TMEM123: variants seen among roughly 807,000 people sequenced by gnomAD.
The protein encoded by TMEM123 is porimin.
A neutral mutation model predicts 19.7 loss-of-function variants in TMEM123; 16 were observed. That is an observed-to-expected ratio of 0.81 (90% CI 0.55 to 1.23). TMEM123 has a LOEUF of 1.23. Ranked by LOEUF, TMEM123 falls within the 50% of genes most tolerant of loss-of-function variation. TMEM123 has a pLI of 0.00. For missense variants in TMEM123, 313 were observed against 257.8 expected (o/e 1.21, Z -1.47); for synonymous variants, 118 against 99.4 (o/e 1.19, Z -1.12).
At chr11:102,417,384 A>G (rs554445315) in intron 2 of TMEM123, among the ~76,000 whole-genome samples, 2 of 152,112 alleles carry the variant, frequency 1.3e-5, no homozygotes, top group South Asian at 4.1e-4. Flanking sequence ...CAAGAATGCA[A>G]TCCCATTCAC....
At position 102,410,387 on chromosome 11, in the gene TMEM123, A is replaced by C. The variant is rs113975059; in HGVS notation, c.158-8181T>G. The stretch of plus-strand genomic sequence containing the variant: ...GCCTGGCTTCCTAGGGGATGAGACT[A>C]CCAGATGGGCAAAGTTGACGGGGCA... On this transcript the variant is annotated intron_variant, in intron 2 of 4. Coordinates refer to ENST00000398136, the MANE Select transcript of TMEM123 (RefSeq NM_052932.3). 9.1e-4 allele frequency among the ~76,000 whole-genome samples: 138 copies of C among 152,228 alleles called. 1 individual carries two copies. The highest frequency in any genetic ancestry group is 3.2e-3 in the African/African-American group (133 of 41,528).
Position 102,401,511 on chromosome 11 carries a change from T to TA in TMEM123, c.602+27dup, listed in dbSNP as rs777225001. 6.5e-6 allele frequency: 10 copies of TA among 1,528,634 alleles called. No individual in the cohort carries two copies. The African/African-American group carries it at 1.1e-4, about 17-fold the overall frequency. 94.7% of individuals were successfully genotyped at this position (1,528,634 alleles called of 1,614,324 possible). On this transcript the variant is annotated intron_variant, in intron 4 of 4. Transcript: ENST00000398136. ...AAAGATGTGCACCAACAATTTTTTT[T>TA]AAAAAGTCCTGGCCATTCAAAACTT...
At chr11:102,409,518 A>G (rs570788092) in intron 2 of TMEM123, among the ~76,000 whole-genome samples, 3 of 152,066 alleles carry the variant, frequency 2.0e-5, no homozygotes, top group Non-Finnish European at 4.4e-5. Context: ...AATTACCTGG[A>G]GATCAAAAAT....
At chr11:102,437,409 G>A (rs149472985) in intron 2 of TMEM123, among the ~76,000 whole-genome samples, 1 of 148,300 alleles carries the variant, frequency 6.7e-6, no homozygotes, top group Non-Finnish European at 1.5e-5. Context: ...AGTGAGTTGA[G>A]ATCGAGCCAC....
chr11:102,417,150 GAGAA>G (rs995142312), intron 2 of TMEM123, among the ~76,000 whole-genome samples: 3 of 152,096 alleles, frequency 2.0e-5, no homozygotes, highest in Non-Finnish European at 4.4e-5. Flanking sequence ...AGTCAGACAA[GAGAA>G]AGAAATAACA....
At chr11:102,447,001 T>A (rs1044630798) in intron 2 of TMEM123, among the ~76,000 whole-genome samples, 1 of 152,214 alleles carries the variant, frequency 6.6e-6, no homozygotes, top group Non-Finnish European at 1.5e-5. Flanking sequence ...CAGTTAAGCA[T>A]CCATCCTATA....
intron 4 of TMEM123, among the ~76,000 whole-genome samples, chr11:102,401,327 T>G (rs1420004150): frequency 6.6e-6 from 1 of 152,200 alleles, no homozygotes; most frequent in Admixed American, 6.5e-5. Context: ...ATACATTTTT[T>G]TAAGTATATA....
At chr11:102,415,714 G>A (rs911088233) in intron 2 of TMEM123, among the ~76,000 whole-genome samples, 13 of 152,112 alleles carry the variant, frequency 8.5e-5, no homozygotes, top group South Asian at 8.3e-4. Context: ...ATGCCCACAT[G>A]AAAATGTTAG....
intron 2 of TMEM123, among the ~76,000 whole-genome samples, chr11:102,426,369 T>C (rs2135854925): frequency 6.6e-6 from 1 of 152,282 alleles, no homozygotes; most frequent in Non-Finnish European, 1.5e-5. Context: ...ACAACAACTT[T>C]AGGAAGCAGT....
At chr11:102,448,326 A>G (rs765229376) in intron 2 of TMEM123, 8 of 455,170 alleles carry the variant, frequency 1.8e-5, no homozygotes, top group South Asian at 1.1e-4. Flanking sequence ...CTTTGTCCCA[A>G]ACTAAAATCA....
At chr11:102,439,731 G>T (rs182812839) in intron 2 of TMEM123, among the ~76,000 whole-genome samples, 3 of 152,186 alleles carry the variant, frequency 2.0e-5, no homozygotes, top group Non-Finnish European at 2.9e-5. Flanking sequence ...GGCTTCAGAC[G>T]ATCGGTAATA....
intron 2 of TMEM123, among the ~76,000 whole-genome samples, chr11:102,409,082 A>C (rs951490361): frequency 6.6e-6 from 1 of 152,164 alleles, no homozygotes; most frequent in Non-Finnish European, 1.5e-5. Context: ...TAAGGATGAC[A>C]ATTTGTTTTC....
At chr11:102,452,427 C>G in intron 1 of TMEM123, 97 bp downstream of exon 1, 2 of 1,083,042 alleles carry the variant, frequency 1.8e-6, no homozygotes, top group Non-Finnish European at 2.4e-6. Context: ...GCCAGACACA[C>G]GCGGAACTTT....
chr11:102,449,293 C>T (rs746690090), intron 1 of TMEM123: 7 of 154,812 alleles, frequency 4.5e-5, no homozygotes, highest in Non-Finnish European at 1.0e-4. Context: ...AACCAACACC[C>T]CTAATTTCAT....
At chr11:102,441,366 A>G (rs1388487908) in intron 2 of TMEM123, among the ~76,000 whole-genome samples, 1 of 152,214 alleles carries the variant, frequency 6.6e-6, no homozygotes, top group African/African-American at 2.4e-5. Context: ...GTGCAATCAA[A>G]CTAGAACTTA....
intron 2 of TMEM123, among the ~76,000 whole-genome samples, chr11:102,406,125 C>T (rs1349680161): frequency 6.6e-6 from 1 of 152,130 alleles, no homozygotes; most frequent in African/African-American, 2.4e-5. Context: ...CAGAATGGAC[C>T]ATCCCTGTGG....
intron 2 of TMEM123, among the ~76,000 whole-genome samples, chr11:102,429,122 T>G (rs1161965169): frequency 6.6e-6 from 1 of 152,080 alleles, no homozygotes; most frequent in Non-Finnish European, 1.5e-5. Context: ...GATGGCAGCC[T>G]CCTCAGGAGA....
intron 2 of TMEM123, among the ~76,000 whole-genome samples, chr11:102,404,306 CAA>C (rs1171206624): frequency 2.6e-5 from 4 of 152,130 alleles, no homozygotes; most frequent in African/African-American, 4.8e-5. Flanking sequence ...AACTTAGAGA[CAA>C]AGTCTTACTC....
rs754431473 is a variant in TMEM123, at chr11:102,427,447, CTTTT to C, written c.157+21361_157+21364del. On this transcript the variant is annotated intron_variant, in intron 2 of 4. Coordinates refer to ENST00000398136, the MANE Select transcript of TMEM123 (RefSeq NM_052932.3). The stretch of plus-strand genomic sequence containing the variant: ...AGAAGAAATAGGGAGGGTATAAATT[CTTTT>C]TTTTTTTTTTTTTTGGAGACAGAGT... Among the ~76,000 whole-genome samples the C allele has an allele frequency of 9.8e-5, 12 of 122,592 alleles. No homozygotes were observed. In the East Asian group the frequency reaches 1.4e-3, roughly 15 times the overall value. The allele number at this position is 122,592 out of a possible 152,430, so 80.4% of individuals were successfully genotyped here. A position where few individuals can be genotyped will look rare whatever the true frequency, so the allele number is the denominator to read the frequency against.
Sources: allele counts gnomAD v4.1 joint callset (sites outside exome capture counted in the v4.1 genomes callset), GRCh38; gene constraint gnomAD v4.1.1; transcripts MANE v1.5; gene names NCBI Gene and HGNC (gene_info 2026-07-23, HGNC 2026-07-21).